The following NFIB variants were observed in gnomAD, a reference collection of about 807,000 sequenced individuals.
NFIB encodes nuclear factor 1 B-type.
In NFIB, 11 loss-of-function variants were observed where a neutral mutation model predicts 61.5. The ratio of observed to expected loss-of-function variants is 0.18; its 90% CI spans 0.11 to 0.30. The LOEUF is 0.30. Ranked by LOEUF, NFIB falls within the 10% of genes least tolerant of loss-of-function variation. The pLI is 1.00. For missense variants in NFIB, 471 were observed against 608.9 expected (o/e 0.77, Z 2.38); for synonymous variants, 260 against 216.5 (o/e 1.20, Z -1.76).
chr9:14,376,564 T>A (rs887399472), intron 1 of NFIB, among the ~76,000 whole-genome samples: 7 of 149,956 alleles, frequency 4.7e-5, no homozygotes, highest in Non-Finnish European at 8.8e-5. Context: ...TCGTTCAGGG[T>A]GGAGTGCAGT....
chr9:14,347,597 G>GGAGAAGGGAGAAGT lies in NFIB; in HGVS notation c.109-40078_109-40077insACTTCTCCCTTCTC, dbSNP rs2061044174. On this transcript the variant is annotated intron_variant, in intron 1 of 8. Coordinates refer to the NFIB transcript ENST00000380934. Reference sequence around the variant, plus strand: ...GGGTGCGATTGGGAGAGGGGAGAAGGGAGAAGGGAAGGAGTGGCCAGCTCC... The same window carrying GGAGAAGGGAGAAGT: ...GGGTGCGATTGGGAGAGGGGAGAAGGGAGAAGGGAGAAGTGAGAAGGGAAGGAGTGGCCAGCTCC... Among the ~76,000 whole-genome samples, 5 of 152,244 alleles carry GGAGAAGGGAGAAGT rather than the reference G, an allele frequency of 3.3e-5. No homozygotes were observed. In the South Asian group the frequency reaches 8.3e-4, roughly 25 times the overall value.
intron 3 of NFIB, among the ~76,000 whole-genome samples, chr9:14,165,056 G>C (rs761610419): frequency 1.3e-5 from 2 of 152,114 alleles, no homozygotes; most frequent in African/African-American, 4.8e-5. Flanking sequence ...AGCTTAATGA[G>C]ATCTGCAGGT....
chr9:14,348,720 G>A (rs1362898150), intron 1 of NFIB, among the ~76,000 whole-genome samples: 1 of 152,234 alleles, frequency 6.6e-6, no homozygotes, highest in East Asian at 1.9e-4. Context: ...CGGGAGCAGC[G>A]GACAGTCAGC....
chr9:14,411,844 A>G, the NFIB span, among the ~76,000 whole-genome samples: 1 of 152,162 alleles, frequency 6.6e-6, no homozygotes, highest in Admixed American at 6.5e-5. Flanking sequence ...GACTAGGTAT[A>G]AAAAACACTG....
At chr9:14,109,910 G>A (rs571051932) in intron 10 of NFIB, among the ~76,000 whole-genome samples, 2 of 152,124 alleles carry the variant, frequency 1.3e-5, no homozygotes, top group East Asian at 3.9e-4. Flanking sequence ...CAAGCAGTTA[G>A]CAACCAATGC....
chr9:14,315,665 C>G (rs2060513631), upstream of NFIB, among the ~76,000 whole-genome samples: 1 of 149,936 alleles, frequency 6.7e-6, no homozygotes, highest in African/African-American at 2.4e-5. Context: ...GTCGCCCGTG[C>G]AGGCTCCGAG....
At chr9:14,325,784 A>G (rs1171528255) in intron 1 of NFIB, among the ~76,000 whole-genome samples, 2 of 152,144 alleles carry the variant, frequency 1.3e-5, no homozygotes, top group Non-Finnish European at 2.9e-5. Flanking sequence ...GCAATACTAA[A>G]TAAAACATAT....
chr9:14,312,106 C>T (rs2060307886), intron 1 of NFIB, among the ~76,000 whole-genome samples: 1 of 152,150 alleles, frequency 6.6e-6, no homozygotes, highest in Non-Finnish European at 1.5e-5. Flanking sequence ...CTAAGTTAAT[C>T]ATACTCAGAT....
At chr9:14,176,823 G>T (rs1019532790) in intron 3 of NFIB, among the ~76,000 whole-genome samples, 25 of 152,228 alleles carry the variant, frequency 1.6e-4, no homozygotes, top group African/African-American at 5.8e-4. Context: ...AAGTTTGTGG[G>T]TAGGCATATG....
chr9:14,475,267 C>G, the NFIB span, among the ~76,000 whole-genome samples: 42 of 152,318 alleles, frequency 2.8e-4, no homozygotes, highest in African/African-American at 9.9e-4. Flanking sequence ...TGGTAGAGCT[C>G]AGATTTGCAC....
At chr9:14,381,231 G>T (rs565876585) in intron 1 of NFIB, among the ~76,000 whole-genome samples, 2 of 151,080 alleles carry the variant, frequency 1.3e-5, no homozygotes, top group Non-Finnish European at 1.5e-5. Flanking sequence ...TCCCTCTGTC[G>T]CCCAGGCTGG....
At chr9:14,495,669 T>A in the NFIB span, among the ~76,000 whole-genome samples, 1 of 152,122 alleles carries the variant, frequency 6.6e-6, no homozygotes, top group East Asian at 1.9e-4. Context: ...GAAGGTCTGC[T>A]TGAACCAAGA....
chr9:14,237,119 C>T (rs2053820048), intron 2 of NFIB, among the ~76,000 whole-genome samples: 1 of 152,158 alleles, frequency 6.6e-6, no homozygotes, highest in African/African-American at 2.4e-5. Flanking sequence ...AAATTATGAA[C>T]TGCATAAACA....
chr9:14,412,406 G>A, the NFIB span, among the ~76,000 whole-genome samples: 10 of 152,170 alleles, frequency 6.6e-5, no homozygotes, highest in Admixed American at 1.3e-4. Context: ...AGCAAAATGC[G>A]ATGGTTTCAG....
chr9:14,509,831 G>C, the NFIB span, among the ~76,000 whole-genome samples: 1 of 152,180 alleles, frequency 6.6e-6, no homozygotes, highest in East Asian at 1.9e-4. Flanking sequence ...TAAGTTCTTG[G>C]AGCATTTTTG....
chr9:14,206,189 T>G (rs77970554), intron 2 of NFIB, among the ~76,000 whole-genome samples: 1 of 151,982 alleles, frequency 6.6e-6, no homozygotes, highest in African/African-American at 2.4e-5. Flanking sequence ...TTTTTTTTTT[T>G]TTCTTCTTTG....
chr9:14,125,578 G>T, intron 7 of NFIB, 54 bp downstream of exon 7: 1 of 1,606,412 alleles, frequency 6.2e-7, no homozygotes, highest in Non-Finnish European at 8.5e-7. Context: ...CCCTAAGGGG[G>T]TTAGGCCCTA....
intron 6 of NFIB, among the ~76,000 whole-genome samples, chr9:14,146,194 T>A (rs1035818752): frequency 1.3e-5 from 2 of 152,176 alleles, no homozygotes; most frequent in African/African-American, 4.8e-5. Context: ...CATAGCTAGA[T>A]TGACTCCAAC....
intron 1 of NFIB, among the ~76,000 whole-genome samples, chr9:14,333,703 AATATT>A (rs1242557923): frequency 6.6e-6 from 1 of 152,202 alleles, no homozygotes; most frequent in Non-Finnish European, 1.5e-5. Flanking sequence ...CATACCATTG[AATATT>A]ATATAACACC....
Sources: allele counts gnomAD v4.1 joint callset (sites outside exome capture counted in the v4.1 genomes callset), GRCh38; gene constraint gnomAD v4.1.1; transcripts MANE v1.5; gene names NCBI Gene and HGNC (gene_info 2026-07-23, HGNC 2026-07-21).